Variants in LRTM3 observed in about 807,000 individuals in gnomAD.
LRTM3 encodes the protein leucine-rich repeat transmembrane protein 3.
chr13:102,739,408 T>C, the LRTM3 span: 1 of 1,550,472 alleles, frequency 6.4e-7, no homozygotes. Flanking sequence ...TTCTGGCATT[T>C]GATGATGCCT....
At chr13:102,745,590 C>G in the LRTM3 span, 11 of 1,550,988 alleles carry the variant, frequency 7.1e-6, no homozygotes, top group South Asian at 1.3e-4. Flanking sequence ...TTGGGATTCA[C>G]TAAAGTTTTC....
At chr13:102,746,340 A>C in the LRTM3 span, 1 of 1,550,636 alleles carries the variant, frequency 6.4e-7, no homozygotes, top group Admixed American at 2.0e-5. Flanking sequence ...CTGTCATGGG[A>C]TATGCTATTC....
the LRTM3 span, chr13:102,732,213 T>G: frequency 6.4e-7 from 1 of 1,551,400 alleles, no homozygotes; most frequent in Non-Finnish European, 8.7e-7. Flanking sequence ...CTTTCTAGGT[T>G]TGTCTTAGGG....
the LRTM3 span, chr13:102,747,706 A>G: frequency 7.7e-6 from 12 of 1,550,864 alleles, no homozygotes; most frequent in South Asian, 1.2e-4. Context: ...GATCTCCGGC[A>G]CTCTCTCTGT....
chr13:102,747,230 C>A, the LRTM3 span: 1 of 1,550,562 alleles, frequency 6.4e-7, no homozygotes, highest in East Asian at 2.4e-5. Flanking sequence ...TGCATTTAAT[C>A]TGCTATACAT....
chr13:102,741,753 T>C, the LRTM3 span: 2 of 1,550,476 alleles, frequency 1.3e-6, no homozygotes, highest in South Asian at 2.4e-5. Context: ...TCCCACGGAA[T>C]TGAAACTGAA....
chr13:102,740,983 C>A, the LRTM3 span: 7,978 of 1,549,956 alleles, frequency 5.1e-3, 345 homozygotes, highest in African/African-American at 0.095. Flanking sequence ...GAGGTTGATC[C>A]ACCGGAATAC....
At chr13:102,749,712 T>C in the LRTM3 span, 9 of 1,551,306 alleles carry the variant, frequency 5.8e-6, no homozygotes, top group African/African-American at 8.2e-5. Flanking sequence ...TGGCTCTTAA[T>C]TGATTCTTGG....
chr13:102,734,629 A>G, the LRTM3 span: 1 of 1,550,720 alleles, frequency 6.4e-7, no homozygotes, highest in African/African-American at 1.4e-5. Flanking sequence ...CATTTTTAAC[A>G]TCTTTTGGGA....
At chr13:102,758,678 G>A in the LRTM3 span, 1 of 1,519,686 alleles carries the variant, frequency 6.6e-7, no homozygotes, top group South Asian at 1.3e-5. Flanking sequence ...CTAGGAAAAG[G>A]GGAAATCAAC....
the LRTM3 span, chr13:102,736,639 T>C: frequency 7.1e-4 from 1,105 of 1,550,998 alleles, 19 homozygotes; most frequent in African/African-American, 0.014. Context: ...GTACAACTAT[T>C]TCCACCTCAC....
chr13:102,738,571 C>T, the LRTM3 span: 3 of 1,550,408 alleles, frequency 1.9e-6, no homozygotes, highest in South Asian at 2.4e-5. Flanking sequence ...CCATTTTTTG[C>T]CTCTGTTCTT....
chr13:102,744,545 A>G, the LRTM3 span: 2 of 1,550,458 alleles, frequency 1.3e-6, no homozygotes, highest in African/African-American at 2.7e-5. Context: ...AGGCTCTAAA[A>G]CAGTTTCTCT....
chr13:102,752,484 C>A, the LRTM3 span, among the ~76,000 whole-genome samples: 1 of 152,158 alleles, frequency 6.6e-6, no homozygotes, highest in Admixed American at 6.5e-5. Context: ...TCATTCTTTT[C>A]AAAACACCAT....
the LRTM3 span, chr13:102,729,427 C>G: frequency 1.4e-6 from 2 of 1,429,232 alleles, no homozygotes; most frequent in South Asian, 3.4e-5. Flanking sequence ...CTGTCCACTT[C>G]AGAGGAGTTT....
At chr13:102,758,902 CT>C in the LRTM3 span, 8 of 1,543,436 alleles carry the variant, frequency 5.2e-6, no homozygotes, top group Non-Finnish European at 7.0e-6. Context: ...CTCCCTACCC[CT>C]TTTTTAAAGG....
chr13:102,746,116 A>T, the LRTM3 span: 1 of 1,551,126 alleles, frequency 6.4e-7, no homozygotes, highest in African/African-American at 1.4e-5. Flanking sequence ...TTTGGAGACT[A>T]GTCTCTAAAG....
chr13:102,749,520 C>T, the LRTM3 span: 1 of 1,551,422 alleles, frequency 6.4e-7, no homozygotes, highest in East Asian at 2.4e-5. Flanking sequence ...TGGTCCTCAC[C>T]TAAGTGTTCA....
At chr13:102,738,744 C>G in the LRTM3 span, 1 of 1,550,536 alleles carries the variant, frequency 6.4e-7, no homozygotes, top group Non-Finnish European at 8.7e-7. Context: ...TCTATTGTGC[C>G]CACTTTAGAG....
Sources: gnomAD v4.1 joint callset for allele counts (sites outside exome capture counted in the v4.1 genomes callset) on GRCh38, gnomAD v4.1.1 for gene constraint, MANE v1.5 for transcripts, NCBI Gene and HGNC (gene_info 2026-07-23, HGNC 2026-07-21) for gene names.